Variants in MGAT4C observed in about 807,000 individuals in gnomAD.
The protein encoded by MGAT4C is alpha-1,3-mannosyl-glycoprotein 4-beta-N-acetylglucosaminyltransferase C.
A neutral mutation model predicts 40.1 loss-of-function variants in MGAT4C; 19 were observed. The ratio of observed to expected loss-of-function variants is 0.47; its 90% CI spans 0.33 to 0.70. The LOEUF is 0.70. Among genes scored for constraint, MGAT4C ranks in the 30% least tolerant of loss-of-function variants. The pLI is 0.02. For missense variants in MGAT4C, 491 were observed against 563.2 expected (o/e 0.87, Z 1.30); for synonymous variants, 181 against 187.1 (o/e 0.97, Z 0.27).
At chr12:85,982,497 A>G (rs1310730194) in intron 4 of MGAT4C, among the ~76,000 whole-genome samples, 2 of 152,172 alleles carry the variant, frequency 1.3e-5, no homozygotes, top group Non-Finnish European at 2.9e-5. Flanking sequence ...CCTAAGATTT[A>G]TATTTTACAC....
At chr12:86,278,738 G>A (rs1953138706) in intron 4 of MGAT4C, among the ~76,000 whole-genome samples, 1 of 151,818 alleles carries the variant, frequency 6.6e-6, no homozygotes, top group Non-Finnish European at 1.5e-5. Context: ...GTACTATGTT[G>A]AATAACTGTG....
intron 1 of MGAT4C, among the ~76,000 whole-genome samples, chr12:86,110,302 A>ATATATATAGTCTATATATATATAGTC: frequency 1.2e-5 from 1 of 82,920 alleles, no homozygotes; most frequent in African/African-American, 6.4e-5. Context: ...TAGTCTCTCT[A>ATATATATAGTCTATATATATATAGTC]TATATATATA....
At chr12:86,352,710 C>T (rs1428856408) in intron 3 of MGAT4C, among the ~76,000 whole-genome samples, 1 of 151,954 alleles carries the variant, frequency 6.6e-6, no homozygotes, top group Non-Finnish European at 1.5e-5. Context: ...AGTGAAGTTT[C>T]TCATATTTTG....
chr12:86,813,266 T>G (rs1263231283), intron 1 of MGAT4C, among the ~76,000 whole-genome samples: 1 of 150,400 alleles, frequency 6.6e-6, no homozygotes, highest in African/African-American at 2.4e-5. Context: ...TTATCATTAT[T>G]TTTCCTTATG....
chr12:86,261,978 G>A (rs1952667632), intron 4 of MGAT4C, among the ~76,000 whole-genome samples: 1 of 151,982 alleles, frequency 6.6e-6, no homozygotes, highest in Admixed American at 6.5e-5. Context: ...ATCAGATCTT[G>A]GCTATGACAT....
intron 2 of MGAT4C, among the ~76,000 whole-genome samples, chr12:86,451,300 A>C (rs1957422121): frequency 6.6e-6 from 1 of 152,098 alleles, no homozygotes; most frequent in Non-Finnish European, 1.5e-5. Flanking sequence ...TACCTCCATG[A>C]TTGAAACCTG....
chr12:86,827,970 G>T (rs1016470518), intron 1 of MGAT4C, among the ~76,000 whole-genome samples: 5 of 151,188 alleles, frequency 3.3e-5, no homozygotes, highest in African/African-American at 9.7e-5. Flanking sequence ...AGCCTCAGAT[G>T]TCTACATGAT....
intron 4 of MGAT4C, among the ~76,000 whole-genome samples, chr12:86,331,420 T>C (rs1158526935): frequency 6.6e-6 from 1 of 152,188 alleles, no homozygotes; most frequent in Non-Finnish European, 1.5e-5. Context: ...CCTTAGTGAC[T>C]TGAGGCATTT....
At chr12:86,293,118 T>A (rs918521539) in intron 4 of MGAT4C, among the ~76,000 whole-genome samples, 14 of 152,162 alleles carry the variant, frequency 9.2e-5, no homozygotes, top group African/African-American at 3.4e-4. Context: ...CGCTGATTAT[T>A]TAAAAGTTCA....
At chr12:86,143,364 C>T (rs548540970) in intron 1 of MGAT4C, among the ~76,000 whole-genome samples, 147 of 152,214 alleles carry the variant, frequency 9.7e-4, no homozygotes, top group African/African-American at 3.4e-3. Context: ...TGGACAAAAC[C>T]AATTTACATT....
intron 1 of MGAT4C, among the ~76,000 whole-genome samples, chr12:86,089,783 A>C (rs1191417225): frequency 6.6e-6 from 1 of 151,656 alleles, no homozygotes; most frequent in Non-Finnish European, 1.5e-5. Context: ...TCCTTGGCAG[A>C]TTTTACAGTT....
intron 2 of MGAT4C, among the ~76,000 whole-genome samples, chr12:86,510,752 A>G (rs1230844763): frequency 6.6e-6 from 1 of 152,200 alleles, no homozygotes; most frequent in Non-Finnish European, 1.5e-5. Flanking sequence ...GAAGGCCATT[A>G]TATAATGGTA....
intron 2 of MGAT4C, among the ~76,000 whole-genome samples, chr12:86,689,948 G>A (rs950507930): frequency 1.3e-5 from 2 of 152,176 alleles, no homozygotes; most frequent in Non-Finnish European, 2.9e-5. Flanking sequence ...TGTCCCAGGG[G>A]GATGGGAGTT....
chr12:86,826,269 T>G (rs1952806538), intron 1 of MGAT4C, among the ~76,000 whole-genome samples: 1 of 151,360 alleles, frequency 6.6e-6, no homozygotes, highest in Admixed American at 6.6e-5. Context: ...TAAAACTGAT[T>G]AGAGTTTTCA....
intron 2 of MGAT4C, among the ~76,000 whole-genome samples, chr12:86,682,246 ATATT>A (rs1312706647): frequency 1.3e-5 from 2 of 152,086 alleles, no homozygotes; most frequent in East Asian, 3.8e-4. Context: ...ATAGGAGTTA[ATATT>A]TATTAAATAG....
intron 1 of MGAT4C, among the ~76,000 whole-genome samples, chr12:86,140,497 G>A (rs1315141823): frequency 1.3e-5 from 2 of 151,976 alleles, no homozygotes; most frequent in African/African-American, 2.4e-5. Context: ...ATCACACACC[G>A]GGGCCTGTCG....
intron 1 of MGAT4C, among the ~76,000 whole-genome samples, chr12:86,760,061 T>C (rs578121386): frequency 1.1e-3 from 166 of 152,170 alleles, no homozygotes; most frequent in Non-Finnish European, 2.2e-3. Context: ...AGCATGGTAC[T>C]GGAATAAAAA....
chr12:86,247,793 T>C (rs1952095576), intron 1 of MGAT4C, among the ~76,000 whole-genome samples: 1 of 152,132 alleles, frequency 6.6e-6, no homozygotes, highest in South Asian at 2.1e-4. Flanking sequence ...TGCTGGGCCT[T>C]ATGAAGCATA....
At chr12:86,595,444 T>A (rs1167356782) in intron 2 of MGAT4C, among the ~76,000 whole-genome samples, 1 of 151,472 alleles carries the variant, frequency 6.6e-6, no homozygotes, top group Admixed American at 6.6e-5. Flanking sequence ...GGCAGGAGAA[T>A]CGCTTGAATC....
Sources: allele counts gnomAD v4.1 joint callset (sites outside exome capture counted in the v4.1 genomes callset), GRCh38; gene constraint gnomAD v4.1.1; transcripts MANE v1.5; gene names NCBI Gene and HGNC (gene_info 2026-07-23, HGNC 2026-07-21).